SLC36A4: variants seen among roughly 807,000 people sequenced by gnomAD.
SLC36A4 encodes solute carrier family 36 member 4.
A neutral mutation model predicts 50.5 loss-of-function variants in SLC36A4; 49 were observed. That is an observed-to-expected ratio of 0.97 (90% CI 0.77 to 1.23). The LOEUF (loss-of-function observed/expected upper bound fraction) is 1.23. SLC36A4 is among the 50% of genes most tolerant of loss of function. SLC36A4 has a pLI of 0.00. For synonymous variants in SLC36A4, 207 were observed against 206.5 expected (o/e 1.00, Z -0.02); for missense variants, 611 against 608.4 (o/e 1.00, Z -0.05).
intron 1 of SLC36A4, among the ~76,000 whole-genome samples, chr11:93,188,810 G>A (rs1862095551): frequency 6.6e-6 from 1 of 152,064 alleles, no homozygotes; most frequent in Non-Finnish European, 1.5e-5. Flanking sequence ...TCATAATCAA[G>A]TACTACAAGA....
In SLC36A4 at chr11:93,165,935, A is replaced by T. The variant is rs781246478; in HGVS notation, c.850T>A (p.Phe284Ile). 27 of 1,606,892 alleles carry T rather than the reference A, an allele frequency of 1.7e-5. No individual in the cohort carries two copies. The highest frequency in any genetic ancestry group is 2.1e-5 in the Non-Finnish European group (25 of 1,175,994). The change falls in exon 8 of 11, where the codon TTT (phenylalanine) becomes ATT (isoleucine). Residue 284 changes from phenylalanine to isoleucine, a missense_variant. Transcript: ENST00000326402. ...PLFFGTAVFA[F>I]EGIGVVLPLE... is the part of the protein sequence containing the mutation. ...ATTCTTACCACTCCTATGCCTTCAAAAGCAAATACAGCAGTACCAAAAAAG... is the reference window on the plus strand; with the variant it reads ...ATTCTTACCACTCCTATGCCTTCAATAGCAAATACAGCAGTACCAAAAAAG...
At chr11:93,185,607 A>G (rs1861948012) in intron 2 of SLC36A4, 84 bp downstream of exon 2, 1 of 1,267,824 alleles carries the variant, frequency 7.9e-7, no homozygotes, top group Middle Eastern at 2.0e-4. Context: ...CTTGTAATGT[A>G]ATAGAATGTC....
chr11:93,168,331 GGTTTCCT>G (rs1232972554), intron 6 of SLC36A4, among the ~76,000 whole-genome samples, 160 bp from the exon 7 acceptor site: 10 of 151,800 alleles, frequency 6.6e-5, no homozygotes, highest in Non-Finnish European at 5.9e-5. Flanking sequence ...AAGATACTCT[GGTTTCCT>G]AGAAACATAT....
intron 1 of SLC36A4, among the ~76,000 whole-genome samples, chr11:93,189,408 C>A (rs937575289): frequency 6.6e-6 from 1 of 151,820 alleles, no homozygotes; most frequent in Admixed American, 6.6e-5. Flanking sequence ...TAAATAAGGT[C>A]ACATCCTGAG....
chr11:93,172,629 T>C (rs1237276881), intron 6 of SLC36A4, among the ~76,000 whole-genome samples: 1 of 146,610 alleles, frequency 6.8e-6, no homozygotes, highest in Non-Finnish European at 1.5e-5. Context: ...CAGAGTGTGA[T>C]ATTCCCCTTC....
chr11:93,197,909 C>T lies in SLC36A4; in HGVS notation c.-77G>A. 7.1e-7 allele frequency: 1 copy of T among 1,410,224 alleles called. No individual in the cohort carries two copies. The highest frequency in any genetic ancestry group is 9.3e-7 in the Non-Finnish European group (1 of 1,070,762). 87.4% of individuals were successfully genotyped at this position (1,410,224 alleles called of 1,614,324 possible). A position where few individuals can be genotyped will look rare whatever the true frequency, so the allele number is the denominator to read the frequency against. ...TGCGTGGCCGGCGTCAGGCCCAGGC[C>T]TACCTCCCCTGCCCGGAGGGACCCG... On this transcript the variant is annotated 5_prime_UTR_variant, in exon 1 of 11. An upstream open reading frame in the 5' UTR loses its in-frame stop. Coordinates refer to ENST00000326402, the MANE Select transcript of SLC36A4 (RefSeq NM_152313.4).
chr11:93,181,396 T>C, intron 5 of SLC36A4, among the ~76,000 whole-genome samples: 1 of 152,096 alleles, frequency 6.6e-6, no homozygotes, highest in Admixed American at 6.5e-5. Context: ...GACCAGGTCA[T>C]GCTTTATAAA....
At position 93,154,211 on chromosome 11, in the gene SLC36A4, A is replaced by G. The variant is rs762821688; in HGVS notation, c.1104T>C (p.Tyr368=). Residue 368 remains tyrosine, a synonymous_variant, in exon 10 of 11, where the codon TAT becomes TAC. Coordinates refer to ENST00000326402, the MANE Select transcript of SLC36A4 (RefSeq NM_152313.4). ...CAGGGATAATGATCTCTGCTGGAACATAGAACTGAATTGAATATGTCACAA... is the reference window on the plus strand; with the variant it reads ...CAGGGATAATGATCTCTGCTGGAACGTAGAACTGAATTGAATATGTCACAA... ...GIFVTYSIQF[Y]VPAEIIIPGI... 3 of 1,551,878 alleles carry G rather than the reference A, an allele frequency of 1.9e-6. No homozygotes were observed. The highest frequency in any genetic ancestry group is 4.7e-5 in the East Asian group (2 of 42,618).
intron 9 of SLC36A4, chr11:93,159,748 A>T: frequency 2.3e-6 from 2 of 885,490 alleles, no homozygotes; most frequent in Non-Finnish European, 2.7e-6. Flanking sequence ...ATTTTCAAAG[A>T]TGACAGTTCA....
At chr11:93,166,525 C>A (rs920616768) in intron 7 of SLC36A4, 4 of 400,970 alleles carry the variant, frequency 1.0e-5, no homozygotes, top group Non-Finnish European at 1.4e-5. Flanking sequence ...TGCTTCAGTG[C>A]TTACTATTTG....
chr11:93,197,987 C>T lies in SLC36A4; in HGVS notation c.-155G>A. 1 of 740,250 alleles carries T rather than the reference C, an allele frequency of 1.4e-6. No individual in the cohort carries two copies. Among genetic ancestry groups the T allele is most frequent in the Admixed American group, 4.3e-5 (1 of 23,336 alleles). The allele number at this position is 740,250 out of a possible 1,614,324, so 45.9% of individuals were successfully genotyped here. On this transcript the variant is annotated 5_prime_UTR_variant, in exon 1 of 11. An upstream start codon of the reference 5' UTR is lost. Transcript: ENST00000326402. ...CGCTCCCCAACCGCGCGGCGAGGAG[C>T]ATGCGCAGTGGGACAGCCCGGCTCG...
chr11:93,181,426 C>T (rs1166575306), intron 5 of SLC36A4, among the ~76,000 whole-genome samples: 2 of 151,944 alleles, frequency 1.3e-5, no homozygotes, highest in Non-Finnish European at 2.9e-5. Flanking sequence ...ACTTCATCTA[C>T]CATAATGATC....
chr11:93,165,775 T>C, intron 8 of SLC36A4, 143 bp downstream of exon 8: 1 of 512,272 alleles, frequency 2.0e-6, no homozygotes, highest in Non-Finnish European at 3.3e-6. Context: ...ACTATAATTC[T>C]AATCTATCAC....
intron 2 of SLC36A4, among the ~76,000 whole-genome samples, chr11:93,184,996 T>A (rs1038680036): frequency 6.6e-6 from 1 of 152,100 alleles, no homozygotes; most frequent in Non-Finnish European, 1.5e-5. Flanking sequence ...ACCTAAGAAG[T>A]TAATTTAAAA....
At chr11:93,183,219 T>C (rs1433171697) in intron 3 of SLC36A4, among the ~76,000 whole-genome samples, 1 of 152,166 alleles carries the variant, frequency 6.6e-6, no homozygotes, top group Non-Finnish European at 1.5e-5. Flanking sequence ...CCATTATAAT[T>C]ATATGCAACC....
At chr11:93,158,822 C>G (rs1293836398) in intron 9 of SLC36A4, among the ~76,000 whole-genome samples, 2 of 152,044 alleles carry the variant, frequency 1.3e-5, no homozygotes, top group Non-Finnish European at 2.9e-5. Flanking sequence ...AAGGAAAAAT[C>G]TACCCAGTAA....
chr11:93,146,926 G>A lies in SLC36A4; in HGVS notation c.*1611C>T, dbSNP rs1454079597. 1.3e-5 allele frequency: 2 copies of A among 151,960 alleles called. No individual in the cohort carries two copies. Among genetic ancestry groups the A allele is most frequent in the African/African-American group, 2.4e-5 (1 of 41,410 alleles). The allele number at this position is 151,960 out of a possible 1,614,324, so 9.4% of individuals were successfully genotyped here. ...CTCAATATTTAGAAGGGAGTTTATG[G>A]ATTTTTTCTAAGCATGAATCCCTTT... On this transcript the variant is annotated 3_prime_UTR_variant, in exon 11 of 11. Transcript: ENST00000326402.
intron 9 of SLC36A4, chr11:93,159,867 C>CT (rs1860540632): frequency 4.1e-6 from 4 of 985,362 alleles, no homozygotes; most frequent in Middle Eastern, 5.2e-4. Flanking sequence ...CTAATATACT[C>CT]TGAGACTTTG....
intron 9 of SLC36A4, chr11:93,160,534 T>C (rs1651354413): frequency 2.0e-6 from 2 of 985,386 alleles, no homozygotes; most frequent in Non-Finnish European, 2.4e-6. Context: ...GAAGGATTAA[T>C]TGGAGCTACT....
Sources: allele counts gnomAD v4.1 joint callset (sites outside exome capture counted in the v4.1 genomes callset), GRCh38; gene constraint gnomAD v4.1.1; transcripts MANE v1.5; gene names NCBI Gene and HGNC (gene_info 2026-07-23, HGNC 2026-07-21).